The following LMTK3 variants were observed in gnomAD, a reference collection of about 807,000 sequenced individuals.
The protein encoded by LMTK3 is lemur tail kinase 3.
A neutral mutation model predicts 116.7 loss-of-function variants in LMTK3; 27 were observed. That is an observed-to-expected ratio of 0.23 (90% CI 0.17 to 0.32). The LOEUF (loss-of-function observed/expected upper bound fraction) is 0.32. LMTK3 is among the 10% of genes least tolerant of loss of function. LMTK3 has a pLI of 1.00. For missense variants in LMTK3, 1,764 were observed against 2,068.5 expected (o/e 0.85, Z 2.86); for synonymous variants, 965 against 971.0 (o/e 0.99, Z 0.11).
Position 48,502,644 on chromosome 19 carries a change from G to A in LMTK3, c.646-63C>T, listed in dbSNP as rs983394772. ...CTCAGGTCTCCAGCTAGTCGGCCCGGAGGCTGGAATGGCTTCTGCTGTCAC... is the reference window on the plus strand; with the variant it reads ...CTCAGGTCTCCAGCTAGTCGGCCCGAAGGCTGGAATGGCTTCTGCTGTCAC... On this transcript the variant is annotated intron_variant, in intron 6 of 14. Transcript: ENST00000600059. 4.0e-6 allele frequency: 6 copies of A among 1,497,590 alleles called. No individual in the cohort carries two copies. In the African/African-American group the frequency reaches 8.4e-5, roughly 21 times the overall value. The allele number at this position is 1,497,590 out of a possible 1,614,324, so 92.8% of individuals were successfully genotyped here.
intron 7 of LMTK3, 129 bp from the exon 8 acceptor site, chr19:48,501,691 G>C (rs975115431): frequency 1.1e-6 from 1 of 907,478 alleles, no homozygotes; most frequent in African/African-American, 1.7e-5. Context: ...CCTTCCCTCT[G>C]ATCTGTCTCT....
intron 12 of LMTK3, among the ~76,000 whole-genome samples, chr19:48,492,877 A>C (rs1601042635): frequency 6.7e-6 from 1 of 149,656 alleles, no homozygotes; most frequent in Non-Finnish European, 1.5e-5. Flanking sequence ...CCCTGCCCTC[A>C]CCCTAGGTCC....
At chr19:48,503,671 GC>G (rs1972513116) in intron 5 of LMTK3, among the ~76,000 whole-genome samples, 2 of 152,154 alleles carry the variant, frequency 1.3e-5, no homozygotes, top group South Asian at 4.1e-4. Flanking sequence ...CCAGGATAGA[GC>G]GCCGGCTCTT....
intron 14 of LMTK3, among the ~76,000 whole-genome samples, chr19:48,489,893 C>T (rs1972192336): frequency 6.6e-6 from 1 of 152,228 alleles, no homozygotes; most frequent in Admixed American, 6.5e-5. Context: ...TCCTGCCGAG[C>T]TGGGCACAAG....
rs1425045804 is a variant in LMTK3 at position 48,499,719 on chromosome 19, C to T, written c.1350G>A (p.Pro450=). 4 of 1,337,754 alleles carry T rather than the reference C, an allele frequency of 3.0e-6. No individual in the cohort carries two copies. Among genetic ancestry groups the T allele is most frequent in the Non-Finnish European group, 2.9e-6 (3 of 1,019,894 alleles). The allele number at this position is 1,337,754 out of a possible 1,614,324, so 82.9% of individuals were successfully genotyped here. The change falls in exon 11 of 15, where the codon CCG becomes CCA. Residue 450 remains proline (P), a synonymous_variant. Coordinates refer to ENST00000600059, the MANE Select transcript of LMTK3 (RefSeq NM_001388485.1). ...CAGGGAAGCCATCCAGTAGGGGGAACGGTGAGGAGAGGGTCCCCGGGCGGG... is the reference window on the plus strand; with the variant it reads ...CAGGGAAGCCATCCAGTAGGGGGAATGGTGAGGAGAGGGTCCCCGGGCGGG... ...SAPRPGTLSS[P]FPLLDGFPGA...
Position 48,501,324 on chromosome 19 carries a change from C to G in LMTK3, c.960G>C (p.Gly320=). The change falls in exon 9 of 15, where the codon GGG becomes GGC. Residue 320 remains glycine, a synonymous_variant. Coordinates refer to ENST00000600059, the MANE Select transcript of LMTK3 (RefSeq NM_001388485.1). Reference sequence around the variant, plus strand: ...GGCTCTGGTCCACCACCATGAAGGTCCCGTGGAGCTCCCCGAGGAGCTCGG... The same window carrying G: ...GGCTCTGGTCCACCACCATGAAGGTGCCGTGGAGCTCCCCGAGGAGCTCGG... The part of the protein sequence containing the change: ...AAPELLGELH[G]TFMVVDQSRE... The G allele has an allele frequency of 6.2e-7, 1 of 1,613,580 alleles. No homozygotes were observed. Among genetic ancestry groups the G allele is most frequent in the South Asian group, 1.1e-5 (1 of 91,080 alleles).
chr19:48,499,352 G>T lies in LMTK3; in HGVS notation c.1717C>A (p.Pro573Thr). The change falls in exon 11 of 15, where the codon CCC (proline) becomes ACC (threonine). Residue 573 changes from proline to threonine, a missense_variant. Pro to Thr is a conservative substitution (Grantham distance 38). Coordinates refer to ENST00000600059, the MANE Select transcript of LMTK3 (RefSeq NM_001388485.1). Reference sequence around the variant, plus strand: ...GACACCAGCTGGGGGACCTCGGAGGGGGCCTGGGGGGCCTGAGGGGCGGGC... The same window carrying T: ...GACACCAGCTGGGGGACCTCGGAGGTGGCCTGGGGGGCCTGAGGGGCGGGC... ...GVPAPQAPQA[P>T]SEVPQLVSET... The T allele has an allele frequency of 7.0e-7, 1 of 1,421,156 alleles. No individual in the cohort carries two copies. The highest frequency in any genetic ancestry group is 1.5e-5 in the South Asian group (1 of 65,230). The allele number at this position is 1,421,156 out of a possible 1,614,324, so 88.0% of individuals were successfully genotyped here. A position where few individuals can be genotyped will look rare whatever the true frequency, so the allele number is the denominator to read the frequency against.
Position 48,499,053 on chromosome 19 carries a change from G to C in LMTK3, c.2016C>G (p.Cys672Trp), listed in dbSNP as rs1164311267. 6.6e-7 allele frequency: 1 copy of C among 1,524,958 alleles called. No homozygotes were observed. The highest frequency in any genetic ancestry group is 8.8e-7 in the Non-Finnish European group (1 of 1,140,054). 94.5% of individuals were successfully genotyped at this position (1,524,958 alleles called of 1,614,324 possible). A position where few individuals can be genotyped will look rare whatever the true frequency, so the allele number is the denominator to read the frequency against. The change falls in exon 11 of 15, where the codon TGC becomes TGG. Residue 672 changes from cysteine (C) to tryptophan (W), a missense_variant. Transcript: ENST00000600059. ...SRRGPLPCPL[C>W]SREGACSCLP... is the part of the protein sequence containing the mutation. ...GGCAGGAGCAGGCCCCCTCGCGGCT[G>C]CACAGGGGACAGGGTAGGGGACCCC...
intron 14 of LMTK3, among the ~76,000 whole-genome samples, chr19:48,489,843 C>CTAAG (rs1225621849): frequency 6.6e-6 from 1 of 152,158 alleles, no homozygotes; most frequent in Non-Finnish European, 1.5e-5. Context: ...CCTCCAGTGG[C>CTAAG]GTCTTCTACC....
At position 48,510,513 on chromosome 19, in the gene LMTK3, G is replaced by A. The variant is rs1972638503; in HGVS notation, c.156C>T (p.Phe52=). The A allele has an allele frequency of 6.3e-7, 1 of 1,599,656 alleles. No homozygotes were observed. Among genetic ancestry groups the A allele is most frequent in the Non-Finnish European group, 8.5e-7 (1 of 1,173,328 alleles). ...ACAGACAGGTGAGGAGGAGGAAGAT[G>A]AAGGCCAGCAGGCCGGAGCAGGAAA... The part of the protein sequence containing the change: ...VLISCSGLLA[F]IFLLLTCLCC... The change falls in exon 2 of 15, where the codon TTC becomes TTT. Residue 52 remains phenylalanine (F), a synonymous_variant. Coordinates refer to ENST00000600059, the MANE Select transcript of LMTK3 (RefSeq NM_001388485.1).
Position 48,511,622 on chromosome 19 carries a change from GA to G in LMTK3, c.-47del, listed in dbSNP as rs1212236409. 2.1e-5 allele frequency: 14 copies of G among 652,728 alleles called. No individual in the cohort carries two copies. Among genetic ancestry groups the G allele is most frequent in the African/African-American group, 7.6e-5 (4 of 52,314 alleles). 40.4% of individuals were successfully genotyped at this position (652,728 alleles called of 1,614,324 possible). On this transcript the variant is annotated 5_prime_UTR_variant, in exon 1 of 15. Coordinates refer to ENST00000600059, the MANE Select transcript of LMTK3 (RefSeq NM_001388485.1). ...GGTGGAGGTGGTGGCGGCTGGGGAGGAGGGGGGGGCGGGCCCTCAGCCCCCA... is the reference window on the plus strand; with the variant it reads ...GGTGGAGGTGGTGGCGGCTGGGGAGGGGGGGGGGCGGGCCCTCAGCCCCCA...
chr19:48,509,085 C>G, intron 4 of LMTK3, 116 bp from the exon 5 acceptor site: 1 of 664,304 alleles, frequency 1.5e-6, no homozygotes, highest in Non-Finnish European at 2.6e-6. Context: ...GCTTCTCCCT[C>G]CACATCCCAC....
chr19:48,499,902 C>T lies in LMTK3; in HGVS notation c.1167G>A (p.Gln389=), dbSNP rs1345356233. The change falls in exon 11 of 15, where the codon CAG becomes CAA. Residue 389 remains glutamine, a synonymous_variant. Coordinates refer to ENST00000600059, the MANE Select transcript of LMTK3 (RefSeq NM_001388485.1). ...GCTGGGCAGGTGGCCGCCAGCAGGA[C>T]TGAAGAATGTCATACCTGGGGAGAG... ...PYADYWYDIL[Q]SCWRPPAQRP... is the part of the protein sequence containing the mutation. The T allele has an allele frequency of 1.3e-6, 2 of 1,594,036 alleles. No homozygotes were observed. The highest frequency in any genetic ancestry group is 1.7e-6 in the Non-Finnish European group (2 of 1,172,066).
At position 48,497,492 on chromosome 19, in the gene LMTK3, C is replaced by T. The variant is rs2147540479; in HGVS notation, c.3577G>A (p.Gly1193Arg). The T allele has an allele frequency of 1.4e-6, 2 of 1,472,256 alleles. No individual in the cohort carries two copies. The highest frequency in any genetic ancestry group is 9.0e-7 in the Non-Finnish European group (1 of 1,113,942). 91.2% of individuals were successfully genotyped at this position (1,472,256 alleles called of 1,614,324 possible). Residue 1193 changes from glycine to arginine, a missense_variant, in exon 11 of 15, where the codon GGA becomes AGA. Transcript: ENST00000600059. This position sits in a 1 kb window ranked among gnomAD's most constrained non-coding sequence, Gnocchi z 5.7. The stretch of plus-strand genomic sequence containing the variant: ...TCGGGCTTGGGGGGGTCCCCGTCTC[C>T]GCTGAGTGCCGTGTCTCCGCCGGCC... Reference protein sequence around the residue: ...SRAGGDTALSGDGDPPKPERK... With the variant: ...SRAGGDTALSRDGDPPKPERK...
Position 48,485,758 on chromosome 19 carries a change from C to A in LMTK3, c.*15G>T. On this transcript the variant is annotated 3_prime_UTR_variant, in exon 15 of 15. Transcript: ENST00000600059. ...CCCTCTTCTGAGGGTGCAGCGGGGT[C>A]GGGTCTTCGGGGAATCAATTCTCCA... 6.2e-7 allele frequency: 1 copy of A among 1,609,280 alleles called. No homozygotes were observed. Among genetic ancestry groups the A allele is most frequent in the Non-Finnish European group, 8.5e-7 (1 of 1,178,016 alleles).
In LMTK3 at chr19:48,491,852, A is replaced by G. The variant is rs1972233223; in HGVS notation, c.4093-313T>C. ...GGCCTCCACCGGATCCCCTAACCCA[A>G]AGCGATCTCCATAAGCCCCACCCCG... On this transcript the variant is annotated intron_variant, in intron 12 of 14. Transcript: ENST00000600059. This position sits in a 1 kb window ranked among gnomAD's most constrained non-coding sequence, Gnocchi z 5.1. 6.6e-6 allele frequency among the ~76,000 whole-genome samples: 1 copy of G among 151,880 alleles called. No homozygotes were observed. Among genetic ancestry groups the G allele is most frequent in the African/African-American group, 2.4e-5 (1 of 41,346 alleles).
Position 48,500,940 on chromosome 19 carries a change from G to T in LMTK3, c.1151+56C>A. ...ATGTGGGAAACGAGGGGGGATGCTG[G>T]GACCATCCTGGGTGGGGTGCGGCAG... On this transcript the variant is annotated intron_variant, in intron 10 of 14. Coordinates refer to ENST00000600059, the MANE Select transcript of LMTK3 (RefSeq NM_001388485.1). This position sits in a 1 kb window ranked among gnomAD's most constrained non-coding sequence, Gnocchi z 4.0. 1.4e-6 allele frequency: 2 copies of T among 1,442,210 alleles called. No homozygotes were observed. The highest frequency in any genetic ancestry group is 2.9e-5 in the South Asian group (2 of 68,038). 89.3% of individuals were successfully genotyped at this position (1,442,210 alleles called of 1,614,324 possible). A position where few individuals can be genotyped will look rare whatever the true frequency, so the allele number is the denominator to read the frequency against.
chr19:48,488,755 T>C (rs1230084927), intron 14 of LMTK3, among the ~76,000 whole-genome samples: 1 of 145,840 alleles, frequency 6.9e-6, no homozygotes, highest in African/African-American at 2.7e-5. Context: ...TTTTTTTTTT[T>C]TGAGATGGAG....
At position 48,491,223 on chromosome 19, in the gene LMTK3, C is replaced by T; in HGVS notation, c.4251G>A (p.Glu1417=). The T allele has an allele frequency of 7.1e-7, 1 of 1,412,390 alleles. No individual in the cohort carries two copies. Among genetic ancestry groups the T allele is most frequent in the Non-Finnish European group, 9.3e-7 (1 of 1,080,884 alleles). The allele number at this position is 1,412,390 out of a possible 1,614,324, so 87.5% of individuals were successfully genotyped here. A position where few individuals can be genotyped will look rare whatever the true frequency, so the allele number is the denominator to read the frequency against. Residue 1417 remains glutamate (E), a synonymous_variant, in exon 14 of 15, where the codon GAG becomes GAA. Coordinates refer to ENST00000600059, the MANE Select transcript of LMTK3 (RefSeq NM_001388485.1). The surrounding 1 kb of genome is among the most constrained non-coding windows in gnomAD (Gnocchi z 5.1). ...CTGGAGGGGGGAGGAGGGGGAAATCCTCCGCCCACTCGAAACTGCCTCCTG... is the reference window on the plus strand; with the variant it reads ...CTGGAGGGGGGAGGAGGGGGAAATCTTCCGCCCACTCGAAACTGCCTCCTG... ...SGFGGSFEWA[E]DFPLLPPPGP...
Sources: allele counts gnomAD v4.1 joint callset (sites outside exome capture counted in the v4.1 genomes callset), GRCh38; gene constraint gnomAD v4.1.1; non-coding constraint Gnocchi (gnomAD v3.1); transcripts MANE v1.5; gene names NCBI Gene and HGNC (gene_info 2026-07-23, HGNC 2026-07-21).